CRYBG3: variants seen among roughly 807,000 people sequenced by gnomAD.
The protein encoded by CRYBG3 is crystallin beta-gamma domain containing 3.
In CRYBG3, 127 loss-of-function variants were observed where a neutral mutation model predicts 244.2. The ratio of observed to expected loss-of-function variants is 0.52; its 90% confidence interval spans 0.45 to 0.60. The LOEUF (loss-of-function observed/expected upper bound fraction) is 0.60, where lower values mean the gene tolerates loss of function less well. CRYBG3 is among the 20% of genes least tolerant of loss of function. The pLI, the probability that CRYBG3 is intolerant of heterozygous loss-of-function variation, is 0.00. For missense variants in CRYBG3, 3,325 were observed against 3,442.5 expected (o/e 0.97, Z 0.85); for synonymous variants, 1,132 against 1,195.8 (o/e 0.95, Z 1.10).
rs755988239 is a variant in CRYBG3, at chr3:97,886,913, G to A, written c.7289+146G>A. Reference sequence around the variant, plus strand: ...ACTGCAGGGGTTAAAAGATTCTTTGGATCTAATTAGAGCTTTGATATATGA... The same window carrying A: ...ACTGCAGGGGTTAAAAGATTCTTTGAATCTAATTAGAGCTTTGATATATGA... On this transcript the variant is annotated intron_variant, in intron 8 of 21. Coordinates refer to ENST00000389622, the MANE Select transcript of CRYBG3 (RefSeq NM_153605.4). 247 of 630,464 alleles carry A rather than the reference G, an allele frequency of 3.9e-4. No individual in the cohort carries two copies. In the Middle Eastern group the frequency reaches 4.7e-3, roughly 12 times the overall value. The allele number at this position is 630,464 out of a possible 1,614,324, so 39.1% of individuals were successfully genotyped here.
intron 3 of CRYBG3, among the ~76,000 whole-genome samples, chr3:97,868,038 C>T (rs2039256107): frequency 6.6e-6 from 1 of 152,136 alleles, no homozygotes; most frequent in Non-Finnish European, 1.5e-5. Context: ...AATCCCAGCA[C>T]TTTGGGAGGC....
intron 19 of CRYBG3, among the ~76,000 whole-genome samples, chr3:97,939,133 A>G (rs915328839): frequency 2.0e-5 from 3 of 151,944 alleles, no homozygotes. Context: ...GTCCCTGCCT[A>G]TTGTTCAAGA....
At position 97,886,778 on chromosome 3, in the gene CRYBG3, G is replaced by A. The variant is rs766782973; in HGVS notation, c.7289+11G>A. 1.9e-6 allele frequency: 3 copies of A among 1,555,546 alleles called. No individual in the cohort carries two copies. The highest frequency in any genetic ancestry group is 1.4e-5 in the African/African-American group (1 of 71,970). ...TGTGAAGTCAGGAGTGTACGTATCA[G>A]TTCCTTTTTATTATAGTGATTGATG... On this transcript the variant is annotated intron_variant, in intron 8 of 21. Coordinates refer to ENST00000389622, the MANE Select transcript of CRYBG3 (RefSeq NM_153605.4).
intron 1 of CRYBG3, among the ~76,000 whole-genome samples, chr3:97,828,917 A>G (rs937190177): frequency 7.9e-5 from 12 of 152,098 alleles, no homozygotes; most frequent in African/African-American, 2.9e-4. Flanking sequence ...CCCCATTTGT[A>G]TATACAAAAG....
chr3:97,874,043 A>G lies in CRYBG3; in HGVS notation c.2849A>G (p.Glu950Gly). The G allele has an allele frequency of 2.6e-6, 4 of 1,535,816 alleles. No individual in the cohort carries two copies. Among genetic ancestry groups the G allele is most frequent in the Non-Finnish European group, 3.5e-6 (4 of 1,146,800 alleles). ...ISWILPPIHD[E>G]KISRQMAQNC... ...TGGATTTTACCACCTATTCATGATG[A>G]AAAAATCAGTAGGCAAATGGCGCAG... The change falls in exon 4 of 22, where the codon GAA becomes GGA. Residue 950 changes from glutamate (E) to glycine (G), a missense_variant. By Grantham distance (98) the Glu-to-Gly change is moderately conservative. This residue lies in a region of CRYBG3 where 1,526 missense variants were observed against 1,443.2 expected (regional missense o/e 1.06). Coordinates refer to ENST00000389622, the MANE Select transcript of CRYBG3 (RefSeq NM_153605.4).
chr3:97,852,157 A>G (rs2038995922), intron 2 of CRYBG3, among the ~76,000 whole-genome samples: 1 of 152,170 alleles, frequency 6.6e-6, no homozygotes, highest in Non-Finnish European at 1.5e-5. Context: ...TCTGTGGGCA[A>G]GAGATTTCAT....
intron 2 of CRYBG3, among the ~76,000 whole-genome samples, chr3:97,853,032 G>A (rs2039010005): frequency 6.6e-6 from 1 of 151,972 alleles, no homozygotes; most frequent in Non-Finnish European, 1.5e-5. Flanking sequence ...TATTTTAATA[G>A]TTTAGTAGCA....
At chr3:97,869,905 G>C (rs2039280958) in intron 3 of CRYBG3, among the ~76,000 whole-genome samples, 1 of 152,106 alleles carries the variant, frequency 6.6e-6, no homozygotes, top group African/African-American at 2.4e-5. Flanking sequence ...GTTTTTACAT[G>C]TGAAAAGAGA....
At chr3:97,881,438 G>A (rs193130707) in intron 7 of CRYBG3, among the ~76,000 whole-genome samples, 208 of 152,216 alleles carry the variant, frequency 1.4e-3, no homozygotes, top group African/African-American at 4.6e-3. Context: ...TACATGGGCC[G>A]GGCGTGGTGG....
At chr3:97,862,445 C>G (rs906508892) in intron 2 of CRYBG3, among the ~76,000 whole-genome samples, 2 of 152,168 alleles carry the variant, frequency 1.3e-5, no homozygotes, top group Non-Finnish European at 2.9e-5. Flanking sequence ...CCACTTCATA[C>G]TACTTATAGA....
At chr3:97,866,343 T>C (rs1177533454) in intron 3 of CRYBG3, among the ~76,000 whole-genome samples, 1 of 152,170 alleles carries the variant, frequency 6.6e-6, no homozygotes, top group Non-Finnish European at 1.5e-5. Flanking sequence ...TATAGGAACA[T>C]ATATTTGGAA....
At chr3:97,881,592 T>A (rs1409562336) in intron 7 of CRYBG3, among the ~76,000 whole-genome samples, 1 of 151,822 alleles carries the variant, frequency 6.6e-6, no homozygotes, top group Non-Finnish European at 1.5e-5. Context: ...GGTGCAAGTC[T>A]GTAATCCCAG....
intron 2 of CRYBG3, among the ~76,000 whole-genome samples, chr3:97,845,014 A>C (rs1485491826): frequency 1.3e-5 from 2 of 152,146 alleles, no homozygotes; most frequent in African/African-American, 4.8e-5. Context: ...GGCTCATGTA[A>C]CTTTTTAAAA....
chr3:97,857,434 T>G (rs1434143136), intron 2 of CRYBG3, among the ~76,000 whole-genome samples: 1 of 151,524 alleles, frequency 6.6e-6, no homozygotes, highest in Non-Finnish European at 1.5e-5. Flanking sequence ...TTTTTTTTTT[T>G]GGTCTAGATA....
intron 8 of CRYBG3, among the ~76,000 whole-genome samples, chr3:97,887,037 G>A (rs749152381): frequency 4.1e-4 from 62 of 152,156 alleles, no homozygotes; most frequent in Non-Finnish European, 1.3e-4. Flanking sequence ...ATAAAAGCAT[G>A]TCCCTGGCCT....
intron 1 of CRYBG3, chr3:97,836,924 C>A (rs1004017163): frequency 1.3e-5 from 2 of 151,986 alleles, no homozygotes; most frequent in Non-Finnish European, 2.9e-5. Context: ...TTTTTTTTCC[C>A]ACTCATTCTT....
At chr3:97,941,587 A>T (rs2040232179) in intron 20 of CRYBG3, among the ~76,000 whole-genome samples, 1 of 151,944 alleles carries the variant, frequency 6.6e-6, no homozygotes, top group Non-Finnish European at 1.5e-5. Context: ...AAGTCACCAG[A>T]TCTAAGTTGG....
intron 2 of CRYBG3, among the ~76,000 whole-genome samples, chr3:97,859,294 G>T (rs756754475): frequency 1.3e-5 from 2 of 152,158 alleles, no homozygotes; most frequent in Non-Finnish European, 2.9e-5. Flanking sequence ...TGTGGTGAGG[G>T]TGCACATTTG....
intron 15 of CRYBG3, among the ~76,000 whole-genome samples, chr3:97,908,986 T>G (rs1009374316): frequency 1.3e-5 from 2 of 151,954 alleles, no homozygotes. Context: ...GTAAAGTATT[T>G]TATTTCTCCT....
Sources: allele counts gnomAD v4.1 joint callset (sites outside exome capture counted in the v4.1 genomes callset), GRCh38; gene constraint gnomAD v4.1.1; regional missense constraint gnomAD v4.1.1; transcripts MANE v1.5; gene names NCBI Gene and HGNC (gene_info 2026-07-23, HGNC 2026-07-21).